HP1BP3: variants seen among roughly 807,000 people sequenced by gnomAD.
HP1BP3 encodes heterochromatin protein 1-binding protein 3.
A neutral mutation model predicts 62.5 loss-of-function variants in HP1BP3; 12 were observed. That is an observed-to-expected ratio of 0.19 (90% CI 0.12 to 0.31). The LOEUF is 0.31. Among genes scored for constraint, HP1BP3 ranks in the 10% least tolerant of loss-of-function variants. The pLI, the probability that HP1BP3 is intolerant of heterozygous loss-of-function variation, is 1.00. For missense variants in HP1BP3, 502 were observed against 651.8 expected, an observed-to-expected ratio of 0.77 and a Z score of 2.50; for synonymous variants, 260 against 237.8, an observed-to-expected ratio of 1.09 and a Z score of -0.86.
chr1:20,768,671 C>A (rs2154540855), intron 6 of HP1BP3, among the ~76,000 whole-genome samples: 1 of 152,090 alleles, frequency 6.6e-6, no homozygotes, highest in Admixed American at 6.6e-5. Context: ...AAAACCCCAT[C>A]TCCACTAAAA....
At position 20,779,883 on chromosome 1, in the gene HP1BP3, C is replaced by A; in HGVS notation, c.125G>T (p.Arg42Leu). Residue 42 changes from arginine to leucine, a missense_variant, in exon 3 of 13, where the codon CGT becomes CTT. Transcript: ENST00000438032. ...EKVEDSTMPIRRTVNSTRETP... is the reference protein window; with the variant it reads ...EKVEDSTMPILRTVNSTRETP... ...TTCCCGGGTAGAATTCACAGTTCGACGAATCGGCATGGTGCTATCTTCTAC... is the reference window on the plus strand; with the variant it reads ...TTCCCGGGTAGAATTCACAGTTCGAAGAATCGGCATGGTGCTATCTTCTAC... 6.2e-7 allele frequency: 1 copy of A among 1,613,382 alleles called. No individual in the cohort carries two copies. The highest frequency in any genetic ancestry group is 8.5e-7 in the Non-Finnish European group (1 of 1,179,724).
chr1:20,754,424 C>A (rs1054039561), intron 9 of HP1BP3, among the ~76,000 whole-genome samples: 1 of 150,940 alleles, frequency 6.6e-6, no homozygotes, highest in Non-Finnish European at 1.5e-5. Context: ...CCAAATTGAT[C>A]TATAGGTTCA....
chr1:20,776,834 G>A (rs1183149679), intron 3 of HP1BP3, 84 bp from the exon 4 acceptor site: 27 of 1,189,212 alleles, frequency 2.3e-5, no homozygotes, highest in Admixed American at 2.8e-5. Context: ...CTTATTAAAC[G>A]GACCAGCCAA....
Position 20,780,360 on chromosome 1 carries a change from C to A in HP1BP3, c.81G>T (p.Ala27=). The A allele has an allele frequency of 6.2e-7, 1 of 1,613,150 alleles. No homozygotes were observed. Among genetic ancestry groups the A allele is most frequent in the Non-Finnish European group, 8.5e-7 (1 of 1,179,132 alleles). ...CAGCCCCTACCTCACCTAACTTGTCCGCGTGGATCAGCTGAGCTCCTACTA... is the reference window on the plus strand; with the variant it reads ...CAGCCCCTACCTCACCTAACTTGTCAGCGTGGATCAGCTGAGCTCCTACTA... ...PLIVGAQLIH[A]DKLGEKVEDS... is the part of the protein sequence containing the mutation. The change falls in exon 2 of 13, where the codon GCG becomes GCT. Residue 27 remains alanine (A), a synonymous_variant. Coordinates refer to ENST00000438032, the MANE Select transcript of HP1BP3 (RefSeq NM_001372052.1).
chr1:20,766,526 T>C (rs2056791481), intron 7 of HP1BP3, among the ~76,000 whole-genome samples: 1 of 152,244 alleles, frequency 6.6e-6, no homozygotes, highest in South Asian at 2.1e-4. Flanking sequence ...ACTTTATTAT[T>C]GTAGAAATAC....
intron 9 of HP1BP3, among the ~76,000 whole-genome samples, chr1:20,752,032 G>A (rs1278154817): frequency 6.6e-6 from 1 of 151,968 alleles, no homozygotes; most frequent in Admixed American, 6.6e-5. Flanking sequence ...GGCTGAGGCG[G>A]GTGGATCAGC....
intron 4 of HP1BP3, chr1:20,774,343 A>AACACACACAC (rs36067015): frequency 6.7e-6 from 1 of 148,642 alleles, no homozygotes; most frequent in Non-Finnish European, 1.5e-5. Flanking sequence ...ATCTCCATTA[A>AACACACACAC]ACACACACAC....
intron 3 of HP1BP3, among the ~76,000 whole-genome samples, chr1:20,779,001 G>T (rs1310288379): frequency 6.6e-6 from 1 of 152,036 alleles, no homozygotes; most frequent in Non-Finnish European, 1.5e-5. Context: ...TGATGGCCAG[G>T]CTGGTCTCGA....
chr1:20,779,188 G>A (rs2057433320), intron 3 of HP1BP3, among the ~76,000 whole-genome samples: 1 of 151,818 alleles, frequency 6.6e-6, no homozygotes, highest in South Asian at 2.1e-4. Context: ...GAGATAAAAG[G>A]CAAGAGAGAA....
intron 6 of HP1BP3, among the ~76,000 whole-genome samples, chr1:20,769,398 G>A (rs1183877704): frequency 1.3e-5 from 2 of 151,900 alleles, no homozygotes; most frequent in African/African-American, 2.4e-5. Flanking sequence ...TCTCTACAAA[G>A]AATACAAAAA....
chr1:20,777,622 C>A (rs938895192), intron 3 of HP1BP3, among the ~76,000 whole-genome samples: 1 of 152,110 alleles, frequency 6.6e-6, no homozygotes, highest in Non-Finnish European at 1.5e-5. Context: ...CCATGCCCAG[C>A]TGATTTTTTG....
At chr1:20,755,025 A>C (rs1333834038) in intron 9 of HP1BP3, among the ~76,000 whole-genome samples, 1 of 152,194 alleles carries the variant, frequency 6.6e-6, no homozygotes, top group Non-Finnish European at 1.5e-5. Flanking sequence ...TAGGAGAAAA[A>C]ATCTGATGAG....
intron 9 of HP1BP3, among the ~76,000 whole-genome samples, chr1:20,755,959 A>G (rs2154540014): frequency 6.6e-6 from 1 of 152,336 alleles, no homozygotes; most frequent in East Asian, 1.9e-4. Context: ...CTGCAGAGAG[A>G]CAGAACAGAC....
intron 5 of HP1BP3, among the ~76,000 whole-genome samples, chr1:20,772,775 T>C (rs2057116846): frequency 6.6e-6 from 1 of 152,052 alleles, no homozygotes; most frequent in Admixed American, 6.6e-5. Flanking sequence ...CAAGGCAAAA[T>C]TAAATGAAAA....
intron 8 of HP1BP3, among the ~76,000 whole-genome samples, chr1:20,760,835 C>CAAAT (rs922923131): frequency 3.3e-5 from 5 of 151,934 alleles, no homozygotes; most frequent in Non-Finnish European, 5.9e-5. Context: ...GATTCCTTCT[C>CAAAT]AAATAAATAA....
chr1:20,744,654 G>A lies in HP1BP3; in HGVS notation c.*143C>T. On this transcript the variant is annotated 3_prime_UTR_variant, in exon 13 of 13. Coordinates refer to ENST00000438032, the MANE Select transcript of HP1BP3 (RefSeq NM_001372052.1). ...CCTAAAGCTAGCAAATGCCTAAACT[G>A]GTTTATTTAGAGTCCCTCCCCACAA... The A allele has an allele frequency of 1.3e-6, 1 of 748,454 alleles. No individual in the cohort carries two copies. Among genetic ancestry groups the A allele is most frequent in the Non-Finnish European group, 2.1e-6 (1 of 470,714 alleles). 46.4% of individuals were successfully genotyped at this position (748,454 alleles called of 1,614,324 possible).
intron 6 of HP1BP3, among the ~76,000 whole-genome samples, chr1:20,770,552 T>C (rs1346216613): frequency 6.6e-6 from 1 of 152,106 alleles, no homozygotes; most frequent in Non-Finnish European, 1.5e-5. Context: ...TGGGCTCAAG[T>C]GATCCTCCCA....
intron 10 of HP1BP3, among the ~76,000 whole-genome samples, chr1:20,747,999 G>A (rs1233145731): frequency 1.3e-5 from 2 of 151,826 alleles, no homozygotes; most frequent in African/African-American, 2.4e-5. Flanking sequence ...CTCCAGGCAT[G>A]AGCCACCATA....
intron 1 of HP1BP3, among the ~76,000 whole-genome samples, chr1:20,784,043 C>CA (rs1489617825): frequency 6.6e-6 from 1 of 152,142 alleles, no homozygotes. Flanking sequence ...TATCACAGCT[C>CA]ACTGCAGCCT....
Sources: allele counts gnomAD v4.1 joint callset (sites outside exome capture counted in the v4.1 genomes callset), GRCh38; gene constraint gnomAD v4.1.1; transcripts MANE v1.5; gene names NCBI Gene and HGNC (gene_info 2026-07-23, HGNC 2026-07-21).